The following NACC2 variants were observed in gnomAD, a reference collection of about 807,000 sequenced individuals.
NACC2 encodes the protein nucleus accumbens-associated protein 2.
A neutral mutation model predicts 25.1 loss-of-function variants in NACC2; 8 were observed. That is an observed-to-expected ratio of 0.32 (90% CI 0.19 to 0.57). The LOEUF (loss-of-function observed/expected upper bound fraction) is 0.57. Among genes scored for constraint, NACC2 ranks in the 20% least tolerant of loss-of-function variants. The pLI is 0.89. For synonymous variants in NACC2, 435 were observed against 294.7 expected (o/e 1.48, Z -4.88); for missense variants, 644 against 650.2 (o/e 0.99, Z 0.10).
At chr9:136,070,212 GA>G (rs759025778) in intron 1 of NACC2, among the ~76,000 whole-genome samples, 1 of 151,868 alleles carries the variant, frequency 6.6e-6, no homozygotes, top group Non-Finnish European at 1.5e-5. Context: ...GAAGTCTCAA[GA>G]AAATCAAATA....
chr9:136,052,460 A>T, intron 1 of NACC2, among the ~76,000 whole-genome samples: 1 of 146,642 alleles, frequency 6.8e-6, no homozygotes, highest in Non-Finnish European at 1.5e-5. Context: ...TGAGGGGGTC[A>T]GGACAGCTAG....
intron 2 of NACC2, among the ~76,000 whole-genome samples, chr9:136,028,378 T>C (rs1438469400): frequency 3.7e-5 from 4 of 107,622 alleles, no homozygotes; most frequent in South Asian, 3.2e-4. Flanking sequence ...TTTGCTTCCT[T>C]TTTTTTTTTT....
chr9:136,078,251 C>A (rs1156659071), intron 1 of NACC2, among the ~76,000 whole-genome samples: 1 of 152,178 alleles, frequency 6.6e-6, no homozygotes, highest in Non-Finnish European at 1.5e-5. Flanking sequence ...CCCCCGCAAC[C>A]TTGTGGCCAG....
intron 2 of NACC2, among the ~76,000 whole-genome samples, chr9:136,023,064 G>A (rs1274654714): frequency 9.4e-4 from 4 of 4,254 alleles, no homozygotes; most frequent in South Asian, 7.2e-3. Flanking sequence ...GAGGAAGGAG[G>A]GAAGAGGGAG....
intron 1 of NACC2, among the ~76,000 whole-genome samples, chr9:136,079,508 C>A (rs897947907): frequency 6.6e-6 from 1 of 152,326 alleles, no homozygotes; most frequent in Admixed American, 6.5e-5. Context: ...GCAGCAAGCC[C>A]CTCCTCACCC....
intron 1 of NACC2, among the ~76,000 whole-genome samples, chr9:136,075,298 C>T (rs2131181228): frequency 6.6e-6 from 1 of 152,350 alleles, no homozygotes; most frequent in African/African-American, 2.4e-5. Context: ...GGAGAGCTGG[C>T]TGCGGCCGCC....
At chr9:136,072,548 AAAG>A (rs547511184) in intron 1 of NACC2, among the ~76,000 whole-genome samples, 128 of 152,208 alleles carry the variant, frequency 8.4e-4, no homozygotes, top group African/African-American at 2.8e-3. Context: ...CTGTCTCAAA[AAAG>A]AAAAGAAAAG....
chr9:136,043,727 C>A (rs1521444), intron 2 of NACC2, among the ~76,000 whole-genome samples: 3 of 152,180 alleles, frequency 2.0e-5, no homozygotes, highest in Non-Finnish European at 4.4e-5. Context: ...GGGTAACATT[C>A]TACAGGAGGG....
At chr9:136,023,785 C>T (rs1840332873) in intron 2 of NACC2, among the ~76,000 whole-genome samples, 1 of 152,270 alleles carries the variant, frequency 6.6e-6, no homozygotes, top group African/African-American at 2.4e-5. Flanking sequence ...TCCCACCTAT[C>T]ACAGCACATG....
chr9:136,037,988 T>C (rs1017716197), intron 2 of NACC2, among the ~76,000 whole-genome samples: 1 of 152,202 alleles, frequency 6.6e-6, no homozygotes, highest in Non-Finnish European at 1.5e-5. Flanking sequence ...GGTGTGGCCA[T>C]ACAATGGAAT....
At chr9:136,012,323 C>T (rs1466168841) in intron 5 of NACC2, among the ~76,000 whole-genome samples, 6 of 152,260 alleles carry the variant, frequency 3.9e-5, no homozygotes, top group Admixed American at 3.3e-4. Flanking sequence ...TCCGGGCTTC[C>T]GTAGCCCCAA....
chr9:136,050,685 G>A (rs1008467163), intron 1 of NACC2, 105 bp from the exon 2 acceptor site: 4 of 635,906 alleles, frequency 6.3e-6, no homozygotes, highest in South Asian at 5.3e-5. Flanking sequence ...TACAAAGAGC[G>A]AGCCTTCCGC....
rs1840307194 is a variant in NACC2, at chr9:136,022,524, T to C, written c.887-6095A>G. 6.6e-6 allele frequency among the ~76,000 whole-genome samples: 1 copy of C among 152,178 alleles called. No homozygotes were observed. Among genetic ancestry groups the C allele is most frequent in the South Asian group, 2.1e-4 (1 of 4,836 alleles). On this transcript the variant is annotated intron_variant, in intron 2 of 5. Transcript: ENST00000277554. This position sits in a 1 kb window ranked among gnomAD's most constrained non-coding sequence, Gnocchi z 4.4. The stretch of plus-strand genomic sequence containing the variant: ...CACTGCAGCTCGGGGAGACCTGCCT[T>C]CCCTGCTGTTGCCCCTTCCACCCAG...
chr9:136,087,628 A>G (rs1324377225), intron 1 of NACC2, among the ~76,000 whole-genome samples: 1 of 152,204 alleles, frequency 6.6e-6, no homozygotes, highest in Non-Finnish European at 1.5e-5. Flanking sequence ...ACCAGAAAGC[A>G]GGATACGGTA....
intron 2 of NACC2, among the ~76,000 whole-genome samples, chr9:136,038,915 A>T (rs2131152917): frequency 6.6e-6 from 1 of 152,352 alleles, no homozygotes; most frequent in Non-Finnish European, 1.5e-5. Context: ...TTCAACAGAG[A>T]AACATGCAGG....
chr9:136,038,942 A>G (rs1160230463), intron 2 of NACC2, among the ~76,000 whole-genome samples: 1 of 152,236 alleles, frequency 6.6e-6, no homozygotes, highest in Non-Finnish European at 1.5e-5. Context: ...GAAAAGGTAA[A>G]TGAACAAATA....
rs1444603823 is a variant in NACC2, at chr9:136,095,210, C to G, written c.-81G>C. 1 of 147,218 alleles carries G rather than the reference C, an allele frequency of 6.8e-6. No individual in the cohort carries two copies. Among genetic ancestry groups the G allele is most frequent in the African/African-American group, 2.4e-5 (1 of 40,924 alleles). The allele number at this position is 147,218 out of a possible 1,614,324, so 9.1% of individuals were successfully genotyped here. ...GTACCTGCGGGCGCCCGGCCCGGTC[C>G]GGCCTGGGCAGCTGCGGCGCGCCGC... On this transcript the variant is annotated 5_prime_UTR_variant, in exon 1 of 6. Coordinates refer to ENST00000277554, the MANE Select transcript of NACC2 (RefSeq NM_144653.5).
Position 136,010,061 on chromosome 9 carries a change from C to T in NACC2, c.*1455G>A, listed in dbSNP as rs1038375910. 1.3e-5 allele frequency: 2 copies of T among 152,174 alleles called. No homozygotes were observed. Among genetic ancestry groups the T allele is most frequent in the African/African-American group, 2.4e-5 (1 of 41,376 alleles). 9.4% of individuals were successfully genotyped at this position (152,174 alleles called of 1,614,324 possible). ...TAGGTGGCCACACCAGCACTTCACA[C>T]AGGACTTCACACAGTCTGTGAGCCC... On this transcript the variant is annotated 3_prime_UTR_variant, in exon 6 of 6. Transcript: ENST00000277554. This position sits in a 1 kb window ranked among gnomAD's most constrained non-coding sequence, Gnocchi z 4.9.
chr9:136,036,640 A>G (rs1254503570), intron 2 of NACC2, among the ~76,000 whole-genome samples: 1 of 152,142 alleles, frequency 6.6e-6, no homozygotes, highest in African/African-American at 2.4e-5. Context: ...GAGGGGAGAA[A>G]TGGAAAGTAT....
Sources: gnomAD v4.1 joint callset for allele counts (sites outside exome capture counted in the v4.1 genomes callset) on GRCh38, gnomAD v4.1.1 for gene constraint, Gnocchi (gnomAD v3.1) non-coding constraint, MANE v1.5 for transcripts, NCBI Gene and HGNC (gene_info 2026-07-23, HGNC 2026-07-21) for gene names.